WNK1: variants seen among roughly 807,000 people sequenced by gnomAD.
WNK1 encodes the protein WNK lysine deficient protein kinase 1.
WNK1 carries 38 observed loss-of-function variants against 222.8 expected under a neutral mutation model. The ratio of observed to expected loss-of-function variants is 0.17; its 90% confidence interval spans 0.13 to 0.22. WNK1 has a LOEUF of 0.22. WNK1 is among the 10% of genes least tolerant of loss of function. The pLI, the probability that WNK1 is intolerant of heterozygous loss-of-function variation, is 1.00. For missense variants in WNK1, 2,348 were observed against 2,918.4 expected (o/e 0.80, Z 4.50); for synonymous variants, 1,090 against 1,092.9 (o/e 1.00, Z 0.05).
chr12:848,237 G>A (rs1029658031), intron 4 of WNK1, among the ~76,000 whole-genome samples: 2 of 152,166 alleles, frequency 1.3e-5, no homozygotes, highest in Non-Finnish European at 2.9e-5. Flanking sequence ...ACTATTAACC[G>A]TTTTTGAGCA....
chr12:758,373 C>CTTTTTTTTTTTTTTTTTTTT (rs397957357), intron 1 of WNK1, among the ~76,000 whole-genome samples: 1 of 64,720 alleles, frequency 1.5e-5, no homozygotes. Context: ...TGCTATAGTT[C>CTTTTTTTTTTTTTTTTTTTT]TTTTTTTTTT....
Position 885,807 on chromosome 12 carries a change from C to T in WNK1, c.5003C>T (p.Ser1668Leu). The change falls in exon 19 of 28, where the codon TCA (serine) becomes TTA (leucine). Residue 1668 changes from serine to leucine, a missense_variant. Ser to Leu is a moderately radical substitution (Grantham distance 145). Transcript: ENST00000315939. ...CGGTCTCTGTTCAGTGAACACAGCT[C>T]ATCTGGAGCTCAGCATGCCTCTGTC... ...KLRSLFSEHS[S>L]SGAQHASVSL... The T allele has an allele frequency of 6.2e-7, 1 of 1,614,222 alleles. No individual in the cohort carries two copies.
At chr12:891,213 A>T (rs1323592508) in intron 22 of WNK1, among the ~76,000 whole-genome samples, 1 of 152,158 alleles carries the variant, frequency 6.6e-6, no homozygotes, top group Non-Finnish European at 1.5e-5. Context: ...ATCTCGACTC[A>T]TTGCAACCTC....
chr12:889,245 A>C, intron 21 of WNK1, 22 bp downstream of exon 21: 1 of 1,591,912 alleles, frequency 6.3e-7, no homozygotes, highest in Non-Finnish European at 8.6e-7. Context: ...AAATCTTGAT[A>C]AAATCTCCTC....
At chr12:881,379 A>G (rs1953146523) in intron 12 of WNK1, 2 of 461,944 alleles carry the variant, frequency 4.3e-6, no homozygotes, top group Non-Finnish European at 7.9e-6. Context: ...TCATCTTTGT[A>G]CTATGCTCTG....
At chr12:790,572 T>A (rs763283599) in intron 1 of WNK1, among the ~76,000 whole-genome samples, 3 of 152,216 alleles carry the variant, frequency 2.0e-5, no homozygotes, top group Non-Finnish European at 4.4e-5. Context: ...TGTCTTGACC[T>A]GTGTATGTGT....
rs72650721 is a variant in WNK1, at chr12:883,487, G to A, written c.3582G>A (p.Glu1194=). The change falls in exon 16 of 28, where the codon GAG becomes GAA. Residue 1194 remains glutamate, a synonymous_variant. Transcript: ENST00000315939. ...AAAAAGCTGATGAAATGCTCAGTGA[G>A]GATGTCAGTGTGGAACCAGAGGGTG... ...IIEKADEMLS[E]DVSVEPEGDQ... is the part of the protein sequence containing the mutation. The A allele has an allele frequency of 2.8e-4, 454 of 1,614,110 alleles. No individual in the cohort carries two copies. In the African/African-American group the frequency reaches 5.5e-3, roughly 20 times the overall value.
chr12:776,404 T>TTGGGTGTTTGTG (rs1943087418), intron 1 of WNK1, among the ~76,000 whole-genome samples: 1 of 56,446 alleles, frequency 1.8e-5, no homozygotes, highest in South Asian at 6.7e-4. Flanking sequence ...CTGTGTGTGT[T>TTGGGTGTTTGTG]TGTGTGTTTG....
intron 2 of WNK1, among the ~76,000 whole-genome samples, chr12:821,616 A>C (rs1947886879): frequency 6.6e-6 from 1 of 152,304 alleles, no homozygotes; most frequent in Non-Finnish European, 1.5e-5. Context: ...TAGATGTTTT[A>C]TCCGTTATTG....
rs1953750391 is a variant in WNK1 at position 887,216 on chromosome 12, T to C, written c.5281-5T>C. 6.2e-7 allele frequency: 1 copy of C among 1,614,076 alleles called. No homozygotes were observed. Among genetic ancestry groups the C allele is most frequent in the African/African-American group, 1.3e-5 (1 of 74,948 alleles). On this transcript the variant is annotated splice_region_variant and splice_polypyrimidine_tract_variant and intron_variant, in intron 19 of 27. Transcript: ENST00000315939. ...CGGACTTGATTTTCCCTTTGTTGTCTGTAGGTGCTGCCAGTGGGTACTGAA... is the reference window on the plus strand; with the variant it reads ...CGGACTTGATTTTCCCTTTGTTGTCCGTAGGTGCTGCCAGTGGGTACTGAA...
chr12:881,898 T>C lies in WNK1; in HGVS notation c.3210-13T>C, dbSNP rs1481732112. Reference sequence around the variant, plus strand: ...TTATAAACTGCACTTTTTTTTCTTTTTAAATTTCAAAGTGCACATTCAGAT... The same window carrying C: ...TTATAAACTGCACTTTTTTTTCTTTCTAAATTTCAAAGTGCACATTCAGAT... On this transcript the variant is annotated splice_polypyrimidine_tract_variant and intron_variant, in intron 13 of 27. Transcript: ENST00000315939. 5.0e-6 allele frequency: 8 copies of C among 1,614,034 alleles called. No individual in the cohort carries two copies. Among genetic ancestry groups the C allele is most frequent in the Non-Finnish European group, 6.8e-6 (8 of 1,180,018 alleles).
intron 1 of WNK1, among the ~76,000 whole-genome samples, chr12:809,242 A>AT (rs545572185): frequency 0.36 from 39,017 of 107,732 alleles, 6,819 homozygotes; most frequent in East Asian, 0.7. Context: ...AAAAAAAAAA[A>AT]ATTTTTTTTT....
Position 760,992 on chromosome 12 carries a change from A to T in WNK1, c.759+6668A>T, listed in dbSNP as rs923850748. Among the ~76,000 whole-genome samples, 31 of 141,966 alleles carry T rather than the reference A, an allele frequency of 2.2e-4. 4 individuals are homozygous for T. The highest frequency in any genetic ancestry group is 3.7e-4 in the Non-Finnish European group (24 of 64,052). The allele number at this position is 141,966 out of a possible 152,430, so 93.1% of individuals were successfully genotyped here. A position where few individuals can be genotyped will look rare whatever the true frequency, so the allele number is the denominator to read the frequency against. ...TAGAGACAGAGTTTCACCGTGTTGG[A>T]CAGGCTGGTCTCAAACTCCTGACCT... On this transcript the variant is annotated intron_variant, in intron 1 of 27. Coordinates refer to ENST00000315939, the MANE Select transcript of WNK1 (RefSeq NM_018979.4).
rs72647367 is a variant in WNK1, at chr12:753,541, C to A, written c.-25C>A. Reference sequence around the variant, plus strand: ...CTTTTCGTTCACGAATCCGAGCCCGCTCGCCTCTCTCCAGCGAACCGACCA... The same window carrying A: ...CTTTTCGTTCACGAATCCGAGCCCGATCGCCTCTCTCCAGCGAACCGACCA... On this transcript the variant is annotated 5_prime_UTR_variant, in exon 1 of 28. Coordinates refer to ENST00000315939, the MANE Select transcript of WNK1 (RefSeq NM_018979.4). This position sits in a 1 kb window ranked among gnomAD's most constrained non-coding sequence, Gnocchi z 5.2. 6.2e-6 allele frequency: 10 copies of A among 1,611,280 alleles called. No homozygotes were observed. The highest frequency in any genetic ancestry group is 1.3e-5 in the African/African-American group (1 of 74,892).
At chr12:776,523 C>T (rs1265739096) in intron 1 of WNK1, among the ~76,000 whole-genome samples, 2 of 149,328 alleles carry the variant, frequency 1.3e-5, no homozygotes, top group African/African-American at 4.9e-5. Context: ...CTCCACCTCC[C>T]AGGTTCAAGC....
intron 2 of WNK1, among the ~76,000 whole-genome samples, chr12:823,606 A>G (rs924102458): frequency 1.6e-4 from 24 of 152,008 alleles, no homozygotes; most frequent in Admixed American, 1.2e-3. Flanking sequence ...TTCCTTTTTA[A>G]AGTTTCTGTC....
intron 7 of WNK1, 134 bp from the exon 8 acceptor site, chr12:861,949 A>T (rs878918459): frequency 8.7e-5 from 85 of 980,884 alleles, no homozygotes. Context: ...TTCATTTTTT[A>T]TTTAGTTCAA....
chr12:796,965 G>GT (rs139820107), intron 1 of WNK1, among the ~76,000 whole-genome samples: 10,349 of 151,824 alleles, frequency 0.068, 411 homozygotes, highest in African/African-American at 0.086. Context: ...TCTCCTTATT[G>GT]TTATGTGAAG....
chr12:804,858 A>G (rs1310874208), intron 1 of WNK1, among the ~76,000 whole-genome samples: 3 of 149,996 alleles, frequency 2.0e-5, no homozygotes, highest in Non-Finnish European at 4.4e-5. Flanking sequence ...AATGTTCTCA[A>G]GGTTCATTTG....
Sources: allele counts gnomAD v4.1 joint callset (sites outside exome capture counted in the v4.1 genomes callset), GRCh38; gene constraint gnomAD v4.1.1; non-coding constraint Gnocchi (gnomAD v3.1); transcripts MANE v1.5; gene names NCBI Gene and HGNC (gene_info 2026-07-23, HGNC 2026-07-21).